Variants in KIAA1549 observed in about 807,000 individuals in gnomAD.
KIAA1549 encodes KIAA1549.
A neutral mutation model predicts 156.4 loss-of-function variants in KIAA1549; 70 were observed. The ratio of observed to expected loss-of-function variants is 0.45; its 90% confidence interval spans 0.37 to 0.55. The LOEUF (loss-of-function observed/expected upper bound fraction) is 0.55. KIAA1549 is among the 20% of genes least tolerant of loss of function. The probability of loss-of-function intolerance (pLI) is 0.00; values close to 1 mark genes in which losing one functional copy is unlikely to be tolerated. For synonymous variants in KIAA1549, 1,103 were observed against 1,066.4 expected, an observed-to-expected ratio of 1.03 and a Z score of -0.67; for missense variants, 2,428 against 2,540.9, an observed-to-expected ratio of 0.96 and a Z score of 0.96.
In KIAA1549 at chr7:138,980,689, C is replaced by A. The variant is rs540606443; in HGVS notation, c.187+394G>T. ...AAAGCACACCTCGAATCCACCTCTT[C>A]GCCCCGACAATAAAGTATCTCAAAA... On this transcript the variant is annotated intron_variant, in intron 1 of 19. Coordinates refer to ENST00000422774, the MANE Select transcript of KIAA1549 (RefSeq NM_001164665.2). Among the ~76,000 whole-genome samples the A allele has an allele frequency of 3.9e-5, 6 of 152,346 alleles. No individual in the cohort carries two copies. In the South Asian group the frequency reaches 1.2e-3, roughly 32 times the overall value.
At chr7:138,933,964 T>TA (rs1812940313) in intron 1 of KIAA1549, among the ~76,000 whole-genome samples, 1 of 152,160 alleles carries the variant, frequency 6.6e-6, no homozygotes, top group Non-Finnish European at 1.5e-5. Flanking sequence ...AGATTCTGTC[T>TA]CAAAAATAAT....
intron 1 of KIAA1549, among the ~76,000 whole-genome samples, chr7:138,958,865 T>C (rs940831162): frequency 3.3e-5 from 5 of 152,036 alleles, no homozygotes; most frequent in African/African-American, 1.2e-4. Flanking sequence ...GATTTGTTTT[T>C]GCACTATAGC....
At chr7:138,844,154 CCT>C (rs1386360757) in intron 18 of KIAA1549, among the ~76,000 whole-genome samples, 161 bp downstream of exon 18, 2 of 151,764 alleles carry the variant, frequency 1.3e-5, no homozygotes, top group Admixed American at 1.3e-4. Context: ...GGGAGCTCCG[CCT>C]CTCTCTCCGC....
Position 138,908,998 on chromosome 7 carries a change from G to A in KIAA1549, c.3269C>T (p.Thr1090Met), listed in dbSNP as rs377595061. 2.4e-5 allele frequency: 39 copies of A among 1,613,954 alleles called. No homozygotes were observed. In the African/African-American group the frequency reaches 3.1e-4, roughly 13 times the overall value. ...RKHHQGTYNL[T>M]VQILNITISS... Reference sequence around the variant, plus strand: ...ATTCAGTGATATTCTCACCTGCACCGTGAGGTTATACGTTCCCTGGTGGTG... The same window carrying A: ...ATTCAGTGATATTCTCACCTGCACCATGAGGTTATACGTTCCCTGGTGGTG... Residue 1090 changes from threonine (T) to methionine (M), a missense_variant, in exon 5 of 20, where the codon ACG becomes ATG. Coordinates refer to ENST00000422774, the MANE Select transcript of KIAA1549 (RefSeq NM_001164665.2).
At chr7:138,954,763 G>A (rs1813613211) in intron 1 of KIAA1549, among the ~76,000 whole-genome samples, 1 of 152,212 alleles carries the variant, frequency 6.6e-6, no homozygotes, top group Admixed American at 6.5e-5. Context: ...CCAGAGAAGG[G>A]TGCTTGTGCA....
chr7:138,948,248 T>G (rs1189784314), intron 1 of KIAA1549, among the ~76,000 whole-genome samples: 1 of 152,188 alleles, frequency 6.6e-6, no homozygotes, highest in Non-Finnish European at 1.5e-5. Flanking sequence ...ACATGGCCAG[T>G]GTCCTCACGA....
Position 138,981,172 on chromosome 7 carries a change from G to A in KIAA1549, c.98C>T (p.Ser33Phe), listed in dbSNP as rs1814538010. 5.2e-6 allele frequency: 6 copies of A among 1,158,544 alleles called. No individual in the cohort carries two copies. Among genetic ancestry groups the A allele is most frequent in the African/African-American group, 3.2e-5 (2 of 61,622 alleles). 71.8% of individuals were successfully genotyped at this position (1,158,544 alleles called of 1,614,324 possible). The change falls in exon 1 of 20, where the codon TCC (serine) becomes TTC (phenylalanine). Residue 33 changes from serine (S) to phenylalanine (F), a missense_variant. Coordinates refer to ENST00000422774, the MANE Select transcript of KIAA1549 (RefSeq NM_001164665.2). This position sits in a 1 kb window ranked among gnomAD's most constrained non-coding sequence, Gnocchi z 4.5. Reference protein sequence around the residue: ...LAPGPSGRRPSARCARRRRPG... With the variant: ...LAPGPSGRRPFARCARRRRPG... ...GCGGCGGCGGCGGGCGCAGCGGGCG[G>A]AAGGCCGTCGGCCGCTCGGCCCCGG...
At chr7:138,913,577 A>G (rs980359975) in intron 2 of KIAA1549, among the ~76,000 whole-genome samples, 1 of 152,204 alleles carries the variant, frequency 6.6e-6, no homozygotes, top group Non-Finnish European at 1.5e-5. Context: ...AATTTTTTAA[A>G]GTAGAGACAG....
At chr7:138,903,827 G>GCGCGCGCA in intron 7 of KIAA1549, 91 bp from the exon 8 acceptor site, 13 of 332,926 alleles carry the variant, frequency 3.9e-5, no homozygotes, top group Admixed American at 5.5e-5. Context: ...GTGTGTGTGT[G>GCGCGCGCA]TGTGTGTGTG....
Position 138,861,215 on chromosome 7 carries a change from G to A in KIAA1549, c.5171C>T (p.Pro1724Leu). ...VPPGLPANSTPSQEERRATQW... is the reference protein window; with the variant it reads ...VPPGLPANSTLSQEERRATQW... ...GGTGGCTCGCCTCTCTTCCTGGGAA[G>A]GGGTGCTGTTTGCGGGCAGGCCGGG... is the stretch of plus-strand genomic sequence containing the variant. Residue 1724 changes from proline to leucine, a missense_variant, in exon 16 of 20, where the codon CCT becomes CTT. Physicochemically the swap from Pro to Leu is moderately conservative, Grantham distance 98. This residue lies in a region of KIAA1549 where 363 missense variants were observed against 354.0 expected (regional missense o/e 1.03). Coordinates refer to ENST00000422774, the MANE Select transcript of KIAA1549 (RefSeq NM_001164665.2). 1 of 1,613,562 alleles carries A rather than the reference G, an allele frequency of 6.2e-7. No homozygotes were observed. The highest frequency in any genetic ancestry group is 1.7e-5 in the Admixed American group (1 of 59,972).
In KIAA1549 at chr7:138,868,099, C is replaced by A. The variant is rs775488624; in HGVS notation, c.4805G>T (p.Arg1602Leu). Residue 1602 changes from arginine to leucine, a missense_variant, in exon 15 of 20, where the codon CGC becomes CTC. Arg to Leu is a moderately radical substitution (Grantham distance 102). This residue lies in a region of KIAA1549 where 404 missense variants were observed against 417.0 expected (regional missense o/e 0.97). Transcript: ENST00000422774. ...ACAGCCGTTGACCTGGTGTTTCCGG[C>A]GAGGCTTGGGAGAACGTTTTATCCG... ...SSRIKRSPKP[R>L]RKHQVNGCPA... 6.2e-7 allele frequency: 1 copy of A among 1,613,618 alleles called. No homozygotes were observed. Among genetic ancestry groups the A allele is most frequent in the Non-Finnish European group, 8.5e-7 (1 of 1,179,792 alleles).
chr7:138,931,955 T>A (rs1468406865), intron 1 of KIAA1549, among the ~76,000 whole-genome samples: 1 of 152,162 alleles, frequency 6.6e-6, no homozygotes, highest in East Asian at 1.9e-4. Context: ...TAAGACCATG[T>A]GTTCCTGGAG....
chr7:138,898,813 G>T, intron 9 of KIAA1549, 142 bp downstream of exon 9: 1 of 716,024 alleles, frequency 1.4e-6, no homozygotes, highest in Non-Finnish European at 2.4e-6. Flanking sequence ...AGGTCTTGGT[G>T]AATGAATTTT....
At chr7:138,921,590 G>C (rs1812564729) in intron 1 of KIAA1549, among the ~76,000 whole-genome samples, 1 of 152,224 alleles carries the variant, frequency 6.6e-6, no homozygotes, top group African/African-American at 2.4e-5. Flanking sequence ...ATTTGGGCCA[G>C]GCGCGGTGGC....
chr7:138,862,637 A>G (rs1464150548), intron 15 of KIAA1549, among the ~76,000 whole-genome samples: 4 of 152,200 alleles, frequency 2.6e-5, no homozygotes, highest in Non-Finnish European at 5.9e-5. Context: ...AAGAGTCATT[A>G]AGGTTTAAAT....
intron 1 of KIAA1549, among the ~76,000 whole-genome samples, chr7:138,972,350 C>G (rs535919153): frequency 2.7e-5 from 4 of 150,674 alleles, no homozygotes; most frequent in African/African-American, 9.8e-5. Flanking sequence ...CACAATGACA[C>G]CCCAATCCCT....
At position 138,844,401 on chromosome 7, in the gene KIAA1549, C is replaced by T. The variant is rs189807045; in HGVS notation, c.5368G>A (p.Ala1790Thr). The T allele has an allele frequency of 5.0e-6, 8 of 1,606,518 alleles. No individual in the cohort carries two copies. In the African/African-American group the frequency reaches 8.0e-5, roughly 16 times the overall value. ...PPDPQQPQAS[A>T]EAPFAARGIY... ...CCTCTGGCAGCAAATGGGGCTTCGG[C>T]GGAGGCCTGTGGCTGCTGAGGGTCA... Residue 1790 changes from alanine to threonine, a missense_variant, in exon 18 of 20, where the codon GCC becomes ACC. Ala to Thr is a moderately conservative substitution (Grantham distance 58). Coordinates refer to ENST00000422774, the MANE Select transcript of KIAA1549 (RefSeq NM_001164665.2).
intron 1 of KIAA1549, among the ~76,000 whole-genome samples, chr7:138,957,206 G>A (rs1362124211): frequency 2.0e-5 from 3 of 152,218 alleles, no homozygotes; most frequent in East Asian, 1.9e-4. Context: ...AGGAGAGGCA[G>A]GCAATGAGGT....
intron 19 of KIAA1549, among the ~76,000 whole-genome samples, chr7:138,839,354 T>C (rs1254087194): frequency 1.3e-5 from 2 of 152,076 alleles, no homozygotes; most frequent in African/African-American, 2.4e-5. Flanking sequence ...GAAAAGCAAA[T>C]GAAAGCACTT....
Sources: gnomAD v4.1 joint callset for allele counts (sites outside exome capture counted in the v4.1 genomes callset) on GRCh38, gnomAD v4.1.1 for gene constraint, gnomAD v4.1.1 regional missense constraint, Gnocchi (gnomAD v3.1) non-coding constraint, MANE v1.5 for transcripts, NCBI Gene and HGNC (gene_info 2026-07-23, HGNC 2026-07-21) for gene names.